MBOAT7: variants seen among roughly 807,000 people sequenced by gnomAD.
MBOAT7 encodes membrane bound acylglycerophosphatidylinositol O-acyltransferase MBOAT7, also known as membrane-bound acylglycerophosphatidylinositol O-acyltransferase MBOAT7.
MBOAT7 carries 40 observed loss-of-function variants against 47.4 expected under a neutral mutation model. That is an observed-to-expected ratio of 0.84 (90% CI 0.66 to 1.10). The LOEUF (loss-of-function observed/expected upper bound fraction) is 1.10, where lower values mean the gene tolerates loss of function less well. Among genes scored for constraint, MBOAT7 ranks in the 50% least tolerant of loss-of-function variants. The pLI is 0.00. For missense variants in MBOAT7, 680 were observed against 655.6 expected (o/e 1.04, Z -0.41); for synonymous variants, 361 against 292.0 (o/e 1.24, Z -2.41).
Position 54,188,069 on chromosome 19 carries a change from G to GACAA in MBOAT7, c.206+144_206+147dup, listed in dbSNP as rs1176645155. 467 of 203,682 alleles carry GACAA rather than the reference G, an allele frequency of 2.3e-3. 111 individuals are homozygous for GACAA. The highest frequency in any genetic ancestry group is 0.016 in the East Asian group (155 of 9,652). 12.6% of individuals were successfully genotyped at this position (203,682 alleles called of 1,614,324 possible). A position where few individuals can be genotyped will look rare whatever the true frequency, so the allele number is the denominator to read the frequency against. On this transcript the variant is annotated intron_variant, in intron 3 of 7. Transcript: ENST00000245615. The stretch of plus-strand genomic sequence containing the variant: ...AGAAAGAAAGAAAGAAAGAAAGAAA[G>GACAA]ACAAACAAACAAACATGAAACAGAG...
At chr19:54,183,743 C>G in intron 4 of MBOAT7, 63 bp from the exon 5 acceptor site, 1 of 1,448,818 alleles carries the variant, frequency 6.9e-7, no homozygotes, top group South Asian at 1.5e-5. Context: ...ACACCCATCT[C>G]CCTTGCGCGG....
At chr19:54,182,039 G>A (rs1158431278) in intron 5 of MBOAT7, among the ~76,000 whole-genome samples, 1 of 147,870 alleles carries the variant, frequency 6.8e-6, no homozygotes, top group Non-Finnish European at 1.5e-5. Context: ...AGGAAGGAGG[G>A]AAGGAAGGAA....
chr19:54,184,157 CTCTCTTTTT>C (rs2076364548), intron 4 of MBOAT7, among the ~76,000 whole-genome samples: 1 of 137,346 alleles, frequency 7.3e-6, no homozygotes, highest in African/African-American at 2.7e-5. Context: ...TTTAATCTCT[CTCTCTTTTT>C]TTTTTTTTTT....
intron 4 of MBOAT7, 49 bp from the exon 5 acceptor site, chr19:54,183,729 C>A: frequency 6.8e-7 from 1 of 1,479,172 alleles, no homozygotes; most frequent in East Asian, 2.5e-5. Flanking sequence ...CTGGGCCCTT[C>A]CCCACACCCA....
chr19:54,174,027 G>A lies in MBOAT7; in HGVS notation c.*17C>T, dbSNP rs776995662. ...AGAATTCCCGGGACCAGCTGGCAGA[G>A]GGAGCGTCGTGACAGCTTACTCCTC... On this transcript the variant is annotated 3_prime_UTR_variant, in exon 8 of 8. Coordinates refer to ENST00000245615, the MANE Select transcript of MBOAT7 (RefSeq NM_024298.5). The A allele has an allele frequency of 1.3e-6, 2 of 1,554,246 alleles. No homozygotes were observed. Among genetic ancestry groups the A allele is most frequent in the Non-Finnish European group, 1.7e-6 (2 of 1,155,630 alleles).
At chr19:54,175,865 C>T (rs1395430390) in intron 7 of MBOAT7, among the ~76,000 whole-genome samples, 3 of 152,218 alleles carry the variant, frequency 2.0e-5, no homozygotes, top group Non-Finnish European at 4.4e-5. Context: ...GCTGGGACTA[C>T]AGGTGCCCAC....
intron 6 of MBOAT7, chr19:54,179,164 G>A: frequency 3.4e-6 from 2 of 593,832 alleles, no homozygotes; most frequent in Non-Finnish European, 5.9e-6. Context: ...TGACAATGGG[G>A]TTCTTCTTCT....
intron 4 of MBOAT7, among the ~76,000 whole-genome samples, chr19:54,185,427 G>A (rs987584901): frequency 1.3e-5 from 2 of 151,994 alleles, no homozygotes; most frequent in African/African-American, 2.4e-5. Context: ...GGTTGGGAAC[G>A]GCTCCTTCTG....
At chr19:54,186,462 C>A (rs2076429856) in intron 4 of MBOAT7, among the ~76,000 whole-genome samples, 1 of 152,198 alleles carries the variant, frequency 6.6e-6, no homozygotes, top group South Asian at 2.1e-4. Context: ...ACGGTGTCAG[C>A]CCTGCTGCCT....
chr19:54,180,892 G>C lies in MBOAT7; in HGVS notation c.735C>G (p.Phe245Leu). 6.3e-7 allele frequency: 1 copy of C among 1,596,890 alleles called. No homozygotes were observed. The highest frequency in any genetic ancestry group is 2.3e-5 in the East Asian group (1 of 44,266). ...ACTCGGCGGCAATCCAGGCCACGTA[G>C]AAGCGCATGCGGAAGGCGAAGAAGA... ...IPVFFAFRMR[F>L]YVAWIAAECG... The change falls in exon 6 of 8, where the codon TTC becomes TTG. Residue 245 changes from phenylalanine to leucine, a missense_variant. By Grantham distance (22) the Phe-to-Leu change is conservative. Transcript: ENST00000245615. This position sits in a 1 kb window ranked among gnomAD's most constrained non-coding sequence, Gnocchi z 5.2.
In MBOAT7 at chr19:54,188,014, TCAGA is replaced by T. The variant is rs1361918973; in HGVS notation, c.206+199_206+202del. Among the ~76,000 whole-genome samples, 245 of 82,366 alleles carry T rather than the reference TCAGA, an allele frequency of 3.0e-3. 1 individual carries two copies. The highest frequency in any genetic ancestry group is 9.3e-3 in the African/African-American group (130 of 13,970). 54.0% of individuals were successfully genotyped at this position (82,366 alleles called of 152,430 possible). On this transcript the variant is annotated intron_variant, in intron 3 of 7. Transcript: ENST00000245615. ...TGGGCAACAGGAGCGAAACTCCATCTCAGAAAGAAAGAAAGAAAGAAAGAAAGAA... is the reference window on the plus strand; with the variant it reads ...TGGGCAACAGGAGCGAAACTCCATCTAAGAAAGAAAGAAAGAAAGAAAGAA...
intron 5 of MBOAT7, 36 bp from the exon 6 acceptor site, chr19:54,181,169 G>A (rs142100180): frequency 6.9e-7 from 1 of 1,449,242 alleles, no homozygotes; most frequent in Middle Eastern, 2.0e-4. Context: ...GGTCAGACAG[G>A]CAGGTGGGCA....
intron 7 of MBOAT7, chr19:54,178,429 A>G: frequency 7.9e-7 from 1 of 1,270,900 alleles, no homozygotes; most frequent in African/African-American, 1.5e-5. Context: ...CACTTGAGGC[A>G]ACTAAGAGGT....
chr19:54,182,589 T>C (rs188350353), intron 5 of MBOAT7, among the ~76,000 whole-genome samples: 6 of 151,800 alleles, frequency 4.0e-5, no homozygotes, highest in Non-Finnish European at 8.8e-5. Context: ...AAAGCTGTTA[T>C]TGGAAAAAAA....
intron 4 of MBOAT7, 192 bp downstream of exon 4, chr19:54,186,969 G>T: frequency 1.5e-6 from 1 of 666,988 alleles, no homozygotes; most frequent in Non-Finnish European, 2.5e-6. Context: ...CCCAGGAGGA[G>T]CTGGGAGGTG....
rs2076220132 is a variant in MBOAT7 at position 54,180,036 on chromosome 19, G to C, written c.854+737C>G. Reference sequence around the variant, plus strand: ...GACTTGCCTAGCAATGCAGGTGCCGGGGGGTGGAGCCTCTCTGGCAACAAG... The same window carrying C: ...GACTTGCCTAGCAATGCAGGTGCCGCGGGGTGGAGCCTCTCTGGCAACAAG... On this transcript the variant is annotated intron_variant, in intron 6 of 7. Coordinates refer to ENST00000245615, the MANE Select transcript of MBOAT7 (RefSeq NM_024298.5). The surrounding 1 kb of genome is among the most constrained non-coding windows in gnomAD (Gnocchi z 5.2). The C allele has an allele frequency of 6.6e-6, 1 of 152,308 alleles. No individual in the cohort carries two copies. Among genetic ancestry groups the C allele is most frequent in the Non-Finnish European group, 1.5e-5 (1 of 68,110 alleles). 9.4% of individuals were successfully genotyped at this position (152,308 alleles called of 1,614,324 possible). A position where few individuals can be genotyped will look rare whatever the true frequency, so the allele number is the denominator to read the frequency against.
intron 5 of MBOAT7, among the ~76,000 whole-genome samples, 186 bp from the exon 6 acceptor site, chr19:54,181,319 CAG>C (rs2076265218): frequency 6.6e-6 from 1 of 152,062 alleles, no homozygotes; most frequent in African/African-American, 2.4e-5. Context: ...GAACGAGAGA[CAG>C]GGGGGACAAG....
At chr19:54,175,186 G>A (rs866373375) in intron 7 of MBOAT7, among the ~76,000 whole-genome samples, 1 of 152,074 alleles carries the variant, frequency 6.6e-6, no homozygotes, top group Non-Finnish European at 1.5e-5. Context: ...CACCGTGTTA[G>A]CCAGGATGGT....
intron 7 of MBOAT7, chr19:54,178,343 A>C: frequency 9.3e-7 from 1 of 1,073,510 alleles, no homozygotes; most frequent in Non-Finnish European, 1.1e-6. Flanking sequence ...CACATTAAAT[A>C]CATTTCACAT....
Sources: allele counts gnomAD v4.1 joint callset (sites outside exome capture counted in the v4.1 genomes callset), GRCh38; gene constraint gnomAD v4.1.1; non-coding constraint Gnocchi (gnomAD v3.1); transcripts MANE v1.5; gene names NCBI Gene and HGNC (gene_info 2026-07-23, HGNC 2026-07-21).